The following SIAH1 variants were observed in gnomAD, a reference collection of about 807,000 sequenced individuals.
SIAH1 encodes E3 ubiquitin-protein ligase SIAH1.
SIAH1 carries 2 observed loss-of-function variants against 20.0 expected under a neutral mutation model. That is an observed-to-expected ratio of 0.10 (90% confidence interval 0.04 to 0.31). The LOEUF (loss-of-function observed/expected upper bound fraction) is 0.31, where lower values mean the gene tolerates loss of function less well. Among genes scored for constraint, SIAH1 ranks in the 10% least tolerant of loss-of-function variants. SIAH1 has a pLI of 1.00. For synonymous variants in SIAH1, 118 were observed against 125.3 expected (o/e 0.94, Z 0.39); for missense variants, 119 against 355.3 (o/e 0.33, Z 5.35).
chr16:48,367,424 G>A (rs868208220), intron 1 of SIAH1, among the ~76,000 whole-genome samples: 1 of 152,134 alleles, frequency 6.6e-6, no homozygotes, highest in African/African-American at 2.4e-5. Flanking sequence ...ACTTAATTAA[G>A]TCAGAAAAGT....
upstream of SIAH1, among the ~76,000 whole-genome samples, chr16:48,386,111 A>G (rs1961458444): frequency 1.3e-5 from 2 of 152,216 alleles, no homozygotes; most frequent in South Asian, 4.1e-4. Flanking sequence ...TGAAATAATA[A>G]AAGGAAAACA....
chr16:48,384,061 A>G (rs1156247457), intron 1 of SIAH1, among the ~76,000 whole-genome samples: 4 of 152,228 alleles, frequency 2.6e-5, no homozygotes, highest in Non-Finnish European at 5.9e-5. Flanking sequence ...TATCTGCCCA[A>G]GGTCACAAAC....
intron 1 of SIAH1, among the ~76,000 whole-genome samples, chr16:48,370,184 G>A (rs1960947425): frequency 6.6e-6 from 1 of 152,200 alleles, no homozygotes; most frequent in Non-Finnish European, 1.5e-5. Context: ...AGCCAACAGA[G>A]ACTGATGGCA....
chr16:48,364,606 C>T (rs552597512), intron 1 of SIAH1, among the ~76,000 whole-genome samples: 1 of 152,322 alleles, frequency 6.6e-6, no homozygotes, highest in Admixed American at 6.5e-5. Flanking sequence ...GGGAGCTCTC[C>T]TGTAATCCAG....
At chr16:48,371,069 G>C (rs544486863) in intron 1 of SIAH1, among the ~76,000 whole-genome samples, 1 of 149,688 alleles carries the variant, frequency 6.7e-6, no homozygotes, top group African/African-American at 2.5e-5. Context: ...AGCCAAGATC[G>C]TGCCATTGCA....
intron 1 of SIAH1, among the ~76,000 whole-genome samples, chr16:48,370,833 C>T (rs1232829568): frequency 6.7e-6 from 1 of 150,322 alleles, no homozygotes; most frequent in Non-Finnish European, 1.5e-5. Flanking sequence ...ATTTCAAGGA[C>T]AGGCATGGTG....
chr16:48,372,026 G>A (rs1190403136), intron 1 of SIAH1, among the ~76,000 whole-genome samples: 1 of 151,872 alleles, frequency 6.6e-6, no homozygotes, highest in Non-Finnish European at 1.5e-5. Context: ...CACACACAGA[G>A]AAAAAAATTT....
chr16:48,366,168 G>A (rs1960834197), intron 1 of SIAH1, among the ~76,000 whole-genome samples: 2 of 152,236 alleles, frequency 1.3e-5, no homozygotes, highest in South Asian at 2.1e-4. Context: ...AAATTAGGTG[G>A]AACCACGCTA....
intron 1 of SIAH1, among the ~76,000 whole-genome samples, chr16:48,369,070 A>C (rs1421731947): frequency 6.6e-6 from 1 of 152,252 alleles, no homozygotes; most frequent in Non-Finnish European, 1.5e-5. Context: ...ACAATGACAA[A>C]ATCAAAGCAA....
intron 1 of SIAH1, among the ~76,000 whole-genome samples, chr16:48,381,099 C>A (rs954107453): frequency 6.6e-6 from 1 of 151,946 alleles, no homozygotes; most frequent in Admixed American, 6.5e-5. Flanking sequence ...ATACTCTTCA[C>A]TTTGGGAGGC....
At chr16:48,377,784 A>C (rs921573025) in intron 1 of SIAH1, among the ~76,000 whole-genome samples, 1 of 152,132 alleles carries the variant, frequency 6.6e-6, no homozygotes, top group Non-Finnish European at 1.5e-5. Flanking sequence ...AAGACTTAAA[A>C]AACAAAAGAA....
chr16:48,361,466 C>T lies in SIAH1; in HGVS notation c.*114G>A. 1.0e-6 allele frequency: 1 copy of T among 964,446 alleles called. No individual in the cohort carries two copies. Among genetic ancestry groups the T allele is most frequent in the Non-Finnish European group, 1.6e-6 (1 of 623,284 alleles). The allele number at this position is 964,446 out of a possible 1,614,324, so 59.7% of individuals were successfully genotyped here. Reference sequence around the variant, plus strand: ...AACAGCCTTTCTTTTTATTTACCTTCATGTGTCTAGCTTCCACCTACCGAA... The same window carrying T: ...AACAGCCTTTCTTTTTATTTACCTTTATGTGTCTAGCTTCCACCTACCGAA... On this transcript the variant is annotated 3_prime_UTR_variant, in exon 2 of 2. Transcript: ENST00000394725.
Position 48,362,445 on chromosome 16 carries a change from TAAG to T in SIAH1, c.-2-18_-2-16del. 2 of 1,612,012 alleles carry T rather than the reference TAAG, an allele frequency of 1.2e-6. No homozygotes were observed. The highest frequency in any genetic ancestry group is 1.7e-6 in the Non-Finnish European group (2 of 1,178,602). ...ACGGCTCATTTCTGAAATAAATACA[TAAG>T]GAGGCAGGAGAAAAATAATTATAAC... On this transcript the variant is annotated splice_polypyrimidine_tract_variant and intron_variant, in intron 1 of 1. Transcript: ENST00000394725. The surrounding 1 kb of genome is among the most constrained non-coding windows in gnomAD (Gnocchi z 4.2).
rs185368776 is a variant in SIAH1 at position 48,374,870 on chromosome 16, A to G, written c.-3+10334T>C. Among the ~76,000 whole-genome samples the G allele has an allele frequency of 1.2e-3, 181 of 152,352 alleles. 1 individual carries two copies. Among genetic ancestry groups the G allele is most frequent in the African/African-American group, 4.3e-3 (177 of 41,594 alleles). On this transcript the variant is annotated intron_variant, in intron 1 of 1. Transcript: ENST00000394725. ...ATAAAAAACTGCAGTGTTACTAACT[A>G]AATTAGGAATGTAGGAATGAGAAGG... is the stretch of plus-strand genomic sequence containing the variant.
intron 1 of SIAH1, among the ~76,000 whole-genome samples, chr16:48,378,103 G>A (rs1462071914): frequency 1.3e-5 from 2 of 152,114 alleles, no homozygotes; most frequent in African/African-American, 2.4e-5. Flanking sequence ...TGTAATCCTA[G>A]CACTTTGGGA....
chr16:48,373,441 G>A (rs755198724), intron 1 of SIAH1, among the ~76,000 whole-genome samples: 5 of 152,116 alleles, frequency 3.3e-5, no homozygotes, highest in African/African-American at 1.2e-4. Flanking sequence ...AAGCGCCTTC[G>A]AGTCAGCCTT....
intron 1 of SIAH1, among the ~76,000 whole-genome samples, chr16:48,369,081 G>A (rs1346058164): frequency 6.6e-6 from 1 of 152,092 alleles, no homozygotes; most frequent in Non-Finnish European, 1.5e-5. Context: ...ATCAAAGCAA[G>A]TCTCTTAAAA....
At chr16:48,373,814 C>T (rs897094963) in intron 1 of SIAH1, among the ~76,000 whole-genome samples, 5 of 152,250 alleles carry the variant, frequency 3.3e-5, no homozygotes, top group African/African-American at 1.2e-4. Flanking sequence ...TATAAGGATA[C>T]AGTATGGTGC....
intron 1 of SIAH1, among the ~76,000 whole-genome samples, chr16:48,376,681 G>A (rs1472592679): frequency 6.6e-6 from 1 of 151,968 alleles, no homozygotes; most frequent in East Asian, 1.9e-4. Flanking sequence ...CATTTTAAAA[G>A]TTAACAAAAT....
Sources: allele counts gnomAD v4.1 joint callset (sites outside exome capture counted in the v4.1 genomes callset), GRCh38; gene constraint gnomAD v4.1.1; non-coding constraint Gnocchi (gnomAD v3.1); transcripts MANE v1.5; gene names NCBI Gene and HGNC (gene_info 2026-07-23, HGNC 2026-07-21).